Variants in PACRG observed in about 807,000 individuals in gnomAD.
PACRG encodes the protein parkin coregulated.
A neutral mutation model predicts 29.7 loss-of-function variants in PACRG; 29 were observed. The observed-to-expected ratio is 0.98, with a 90% CI of 0.73 to 1.33. The LOEUF is 1.33. Among genes scored for constraint, PACRG ranks in the 40% most tolerant of loss-of-function variants. The pLI, the probability that PACRG is intolerant of heterozygous loss-of-function variation, is 0.00. For missense variants in PACRG, 279 were observed against 316.2 expected (o/e 0.88, Z 0.89); for synonymous variants, 116 against 118.7 (o/e 0.98, Z 0.15).
rs137901963 is a variant in PACRG at position 162,961,435 on chromosome 6, T to C, written c.292-100715T>C. ...GAGTTTCTACTATCATGTGTCTATC[T>C]ATAACTCCAACCTTGTATTTCTATC... On this transcript the variant is annotated intron_variant, in intron 2 of 4. Coordinates refer to ENST00000366888, the MANE Select transcript of PACRG (RefSeq NM_001080379.2). 3.8e-3 allele frequency among the ~76,000 whole-genome samples: 575 copies of C among 152,350 alleles called. 3 individuals are homozygous for C. Among genetic ancestry groups the C allele is most frequent in the African/African-American group, 0.013 (525 of 41,572 alleles).
In PACRG at chr6:162,958,850, CATATATATATATAT is replaced by C. The variant is rs369783608; in HGVS notation, c.292-103278_292-103265del. On this transcript the variant is annotated intron_variant, in intron 2 of 4. Transcript: ENST00000366888. ...GTGTATATATAGAGCATATATAGAG[CATATATATATATAT>C]ATATATATATATATATATATAGAGA... is the stretch of plus-strand genomic sequence containing the variant. 2.8e-3 allele frequency among the ~76,000 whole-genome samples: 138 copies of C among 48,610 alleles called. 2 individuals carry two copies. Among genetic ancestry groups the C allele is most frequent in the Middle Eastern group, 9.6e-3 (1 of 104 alleles). The allele number at this position is 48,610 out of a possible 152,430, so 31.9% of individuals were successfully genotyped here. A position where few individuals can be genotyped will look rare whatever the true frequency, so the allele number is the denominator to read the frequency against.
rs377352285 is a variant in PACRG, at chr6:162,747,474, C to CTATATATATATATATATATATATATA, written c.156+19102_156+19103insATATATATATATATATATATATATAT. 8.3e-3 allele frequency among the ~76,000 whole-genome samples: 370 copies of CTATATATATATATATATATATATATA among 44,648 alleles called. 54 individuals are homozygous for CTATATATATATATATATATATATATA. Among genetic ancestry groups the CTATATATATATATATATATATATATA allele is most frequent in the Middle Eastern group, 0.034 (2 of 58 alleles). The allele number at this position is 44,648 out of a possible 152,430, so 29.3% of individuals were successfully genotyped here. ...TATAACTATAAATATATATGTAAAA[C>CTATATATATATATATATATATATATA]TATATATATATATATATATTCCATT... is the stretch of plus-strand genomic sequence containing the variant. On this transcript the variant is annotated intron_variant, in intron 1 of 4. Coordinates refer to ENST00000366888, the MANE Select transcript of PACRG (RefSeq NM_001080379.2).
At chr6:162,795,754 G>A (rs1484055220) in intron 1 of PACRG, among the ~76,000 whole-genome samples, 3 of 152,090 alleles carry the variant, frequency 2.0e-5, no homozygotes. Flanking sequence ...TAATTTTTAA[G>A]TCTTGTTTAT....
chr6:163,057,920 C>T (rs1810735629), intron 2 of PACRG, among the ~76,000 whole-genome samples: 2 of 152,182 alleles, frequency 1.3e-5, no homozygotes, highest in South Asian at 4.1e-4. Flanking sequence ...ACCTCCATTC[C>T]TCAGTCTGGT....
intron 4 of PACRG, among the ~76,000 whole-genome samples, chr6:163,111,258 G>C (rs932897138): frequency 2.6e-5 from 4 of 152,174 alleles, no homozygotes; most frequent in Non-Finnish European, 4.4e-5. Flanking sequence ...CTGAGCTGTG[G>C]AATCAATAAT....
intron 2 of PACRG, among the ~76,000 whole-genome samples, chr6:162,906,766 A>G (rs1416493266): frequency 6.6e-6 from 1 of 152,220 alleles, no homozygotes; most frequent in Non-Finnish European, 1.5e-5. Flanking sequence ...TTGCTAAAGA[A>G]TAGACTCAAC....
chr6:163,063,454 G>A lies in PACRG; in HGVS notation c.463+1133G>A, dbSNP rs181139948. 2.2e-4 allele frequency among the ~76,000 whole-genome samples: 34 copies of A among 152,294 alleles called. No homozygotes were observed. In the South Asian group the frequency reaches 3.3e-3, roughly 15 times the overall value. On this transcript the variant is annotated intron_variant, in intron 3 of 4. Coordinates refer to ENST00000366888, the MANE Select transcript of PACRG (RefSeq NM_001080379.2). ...TCACTGGCTCAGGTGAGCTCTTGCC[G>A]TGTGCTTTCATCAGAACAAGAACAA...
chr6:163,251,885 G>A (rs938091773), intron 4 of PACRG, among the ~76,000 whole-genome samples: 1 of 152,098 alleles, frequency 6.6e-6, no homozygotes, highest in African/African-American at 2.4e-5. Context: ...AGCGACCTTG[G>A]GTAAATTGCT....
intron 4 of PACRG, among the ~76,000 whole-genome samples, chr6:163,228,568 A>C (rs1469874027): frequency 1.3e-5 from 2 of 152,208 alleles, no homozygotes; most frequent in Non-Finnish European, 2.9e-5. Flanking sequence ...TTAGTAAACC[A>C]ACTTTATACC....
intron 4 of PACRG, among the ~76,000 whole-genome samples, chr6:163,294,147 T>C (rs1370052159): frequency 1.3e-5 from 2 of 152,142 alleles, no homozygotes; most frequent in Non-Finnish European, 2.9e-5. Flanking sequence ...GATGAGGAAA[T>C]TGTACTTCTT....
intron 2 of PACRG, among the ~76,000 whole-genome samples, chr6:162,836,317 G>T (rs1026328450): frequency 6.6e-6 from 1 of 151,944 alleles, no homozygotes; most frequent in African/African-American, 2.4e-5. Context: ...GTCTAGCTTG[G>T]TACAGGGGTA....
intron 2 of PACRG, among the ~76,000 whole-genome samples, chr6:162,923,360 A>G (rs1026227040): frequency 1.3e-5 from 2 of 152,086 alleles, no homozygotes; most frequent in African/African-American, 2.4e-5. Context: ...CTTTAGTTTG[A>G]TAAAGTCCCA....
At chr6:163,260,281 C>A (rs759578641) in intron 4 of PACRG, among the ~76,000 whole-genome samples, 1 of 152,190 alleles carries the variant, frequency 6.6e-6, no homozygotes, top group Admixed American at 6.5e-5. Context: ...CCAACCCGGC[C>A]GCTTCATTTC....
At chr6:163,038,991 T>C (rs1808450288) in intron 2 of PACRG, among the ~76,000 whole-genome samples, 1 of 152,180 alleles carries the variant, frequency 6.6e-6, no homozygotes, top group South Asian at 2.1e-4. Context: ...TTAACTGATA[T>C]GGTTTAGATC....
chr6:162,873,601 G>T (rs1793014124), intron 2 of PACRG, among the ~76,000 whole-genome samples: 1 of 152,090 alleles, frequency 6.6e-6, no homozygotes, highest in Non-Finnish European at 1.5e-5. Flanking sequence ...GTTGTTTTGG[G>T]CATGAAACCA....
intron 4 of PACRG, among the ~76,000 whole-genome samples, chr6:163,214,832 T>C (rs1781297983): frequency 6.6e-6 from 1 of 152,140 alleles, no homozygotes; most frequent in Non-Finnish European, 1.5e-5. Flanking sequence ...GTAGCAATGG[T>C]TAGGATCCTC....
At chr6:162,877,674 A>G (rs1169348575) in intron 2 of PACRG, among the ~76,000 whole-genome samples, 3 of 152,206 alleles carry the variant, frequency 2.0e-5, no homozygotes, top group Non-Finnish European at 2.9e-5. Context: ...CTTCAGTCAG[A>G]TGTGGACTTA....
intron 4 of PACRG, among the ~76,000 whole-genome samples, chr6:163,168,559 A>AACAACAAC (rs1240097381): frequency 8.4e-4 from 2 of 2,368 alleles, no homozygotes. Flanking sequence ...ATTCTAATAA[A>AACAACAAC]ACAACAACAA....
At chr6:163,078,216 T>A (rs902199085) in intron 3 of PACRG, among the ~76,000 whole-genome samples, 4 of 152,204 alleles carry the variant, frequency 2.6e-5, no homozygotes, top group African/African-American at 9.6e-5. Flanking sequence ...ATTGGGGCAA[T>A]AGGACCGGGC....
Sources: allele counts gnomAD v4.1 joint callset (sites outside exome capture counted in the v4.1 genomes callset), GRCh38; gene constraint gnomAD v4.1.1; transcripts MANE v1.5; gene names NCBI Gene and HGNC (gene_info 2026-07-23, HGNC 2026-07-21).